The following MAPK7 variants were observed in gnomAD, a reference collection of about 807,000 sequenced individuals.
MAPK7 encodes the protein BMK-1.
Under a neutral mutation model 56.9 loss-of-function variants are expected in MAPK7, and 30 were observed. The observed-to-expected ratio is 0.53, with a 90% CI of 0.39 to 0.72. The LOEUF (loss-of-function observed/expected upper bound fraction) is 0.72. Ranked by LOEUF, MAPK7 falls within the 30% of genes least tolerant of loss-of-function variation. The probability of loss-of-function intolerance (pLI) is 0.00; values close to 1 mark genes in which losing one functional copy is unlikely to be tolerated. For synonymous variants in MAPK7, 516 were observed against 449.3 expected (o/e 1.15, Z -1.88); for missense variants, 952 against 1,110.8 (o/e 0.86, Z 2.03).
At chr17:19,377,952 G>A, upstream of MAPK7, 1 of 985,380 alleles carries the variant, frequency 1.0e-6, no homozygotes, top group Non-Finnish European at 1.2e-6. Context: ...TCGGCCGGAC[G>A]CTCTAGAATC....
At position 19,381,610 on chromosome 17, in the gene MAPK7, A is replaced by G. The variant is rs1423461242; in HGVS notation, c.1401A>G (p.Lys467=). 2 of 1,613,946 alleles carry G rather than the reference A, an allele frequency of 1.2e-6. No homozygotes were observed. The highest frequency in any genetic ancestry group is 1.6e-4 in the Middle Eastern group (1 of 6,062). ...TCAGTGAGCCTGCCCCACCAAAGAAAGATGGTGCCATCTCAGACAATACTA... is the reference window on the plus strand; with the variant it reads ...TCAGTGAGCCTGCCCCACCAAAGAAGGATGGTGCCATCTCAGACAATACTA... ...PPVSEPAPPK[K]DGAISDNTKA... The change falls in exon 4 of 7, where the codon AAA becomes AAG. Residue 467 remains lysine (K), a synonymous_variant. Coordinates refer to ENST00000395604, the MANE Select transcript of MAPK7 (RefSeq NM_002749.4). The surrounding 1 kb of genome is among the most constrained non-coding windows in gnomAD (Gnocchi z 4.6).
rs1014836979 is a variant in MAPK7, at chr17:19,380,704, A to G, written c.495A>G (p.Gln165=). 4 of 1,613,970 alleles carry G rather than the reference A, an allele frequency of 2.5e-6. No individual in the cohort carries two copies. Among genetic ancestry groups the G allele is most frequent in the Admixed American group, 3.3e-5 (2 of 60,000 alleles). ...TLEHVRYFLY[Q]LLRGLKYMHS... ...AACACGTGCGCTACTTCCTGTACCA[A>G]CTGCTGCGGGGCCTGAAGTACATGC... Residue 165 remains glutamine (Q), a synonymous_variant, in exon 4 of 7, where the codon CAA becomes CAG. Coordinates refer to ENST00000395604, the MANE Select transcript of MAPK7 (RefSeq NM_002749.4).
At chr17:19,382,492 G>T (rs746734104) in intron 5 of MAPK7, 26 bp downstream of exon 5, 1 of 1,552,456 alleles carries the variant, frequency 6.4e-7, no homozygotes, top group Middle Eastern at 1.7e-4. Context: ...AGGCCATGGG[G>T]ACACCTGGGT....
Position 19,379,008 on chromosome 17 carries a change from C to T in MAPK7, c.108C>T (p.Asn36=). ...CCGCTGCCTCTGTAGCGGCCAAGAA[C>T]CTGGCCCTGCTTAAAGCCCGCTCCT... ...AHTAASVAAK[N]LALLKARSFD... The change falls in exon 2 of 7, where the codon AAC becomes AAT. Residue 36 remains asparagine, a synonymous_variant. Transcript: ENST00000395604. 6.2e-7 allele frequency: 1 copy of T among 1,613,538 alleles called. No individual in the cohort carries two copies. The highest frequency in any genetic ancestry group is 8.5e-7 in the Non-Finnish European group (1 of 1,179,808).
chr17:19,382,281 T>A lies in MAPK7; in HGVS notation c.1978T>A (p.Ser660Thr). The A allele has an allele frequency of 6.6e-7, 1 of 1,526,522 alleles. No homozygotes were observed. The allele number at this position is 1,526,522 out of a possible 1,614,324, so 94.6% of individuals were successfully genotyped here. A position where few individuals can be genotyped will look rare whatever the true frequency, so the allele number is the denominator to read the frequency against. The change falls in exon 5 of 7, where the codon TCC (serine) becomes ACC (threonine). Residue 660 changes from serine (S) to threonine (T), a missense_variant. Around this residue, in one of 5 missense-constraint regions of MAPK7, gnomAD observed 234 missense variants for 210.4 expected, o/e 1.11. Transcript: ENST00000395604. ...PVPAPPQIATSTSLLAAQSLV... is the reference protein window; with the variant it reads ...PVPAPPQIATTTSLLAAQSLV... ...CCCCGCGCCACCCCAGATTGCCACC[T>A]CCACCAGCCTCCTGGCTGCCCAGTC...
Position 19,381,207 on chromosome 17 carries a change from G to GC in MAPK7, c.999dup (p.Ala334ArgfsTer19), listed in dbSNP as rs763341428. 5.6e-6 allele frequency: 9 copies of GC among 1,614,152 alleles called. No individual in the cohort carries two copies. The highest frequency in any genetic ancestry group is 6.8e-6 in the Non-Finnish European group (8 of 1,180,050). ...GGTCGCATGCTGCGTTTTGAGCCCAGCGCTCGCATCTCAGCAGCTGCTGCC... is the reference window on the plus strand; with the variant it reads ...GGTCGCATGCTGCGTTTTGAGCCCAGCCGCTCGCATCTCAGCAGCTGCTGCC... On this transcript the variant is annotated frameshift_variant, in exon 4 of 7. Transcript: ENST00000395604. LOFTEE classifies it high-confidence loss of function. This position sits in a 1 kb window ranked among gnomAD's most constrained non-coding sequence, Gnocchi z 4.6.
At position 19,383,380 on chromosome 17, in the gene MAPK7, C is replaced by G; in HGVS notation, c.*149C>G. 1 of 805,476 alleles carries G rather than the reference C, an allele frequency of 1.2e-6. No homozygotes were observed. 49.9% of individuals were successfully genotyped at this position (805,476 alleles called of 1,614,324 possible). A position where few individuals can be genotyped will look rare whatever the true frequency, so the allele number is the denominator to read the frequency against. On this transcript the variant is annotated 3_prime_UTR_variant, in exon 7 of 7. Transcript: ENST00000395604. ...CTCAGACCCACCTTTCAGCCTTAAG[C>G]AGCCACCTGAGCCACCACCGAGCCA... is the stretch of plus-strand genomic sequence containing the variant.
Position 19,380,621 on chromosome 17 carries a change from G to T in MAPK7, c.412G>T (p.Asp138Tyr), listed in dbSNP as rs1168762457. ...TTCCCCTTCCAGCTACGTGGTCCTG[G>T]ACCTGATGGAAAGCGACCTGCACCA... ...GEFKSVYVVL[D>Y]LMESDLHQII... Residue 138 changes from aspartate to tyrosine, a missense_variant, in exon 4 of 7, where the codon GAC becomes TAC. Asp to Tyr is a radical substitution (Grantham distance 160). Transcript: ENST00000395604. The T allele has an allele frequency of 1.2e-6, 2 of 1,602,664 alleles. No homozygotes were observed. The highest frequency in any genetic ancestry group is 1.7e-6 in the Non-Finnish European group (2 of 1,171,788).
rs762081000 is a variant in MAPK7, at chr17:19,382,933, G to T, written c.2284G>T (p.Gly762Trp). 4 of 1,614,064 alleles carry T rather than the reference G, an allele frequency of 2.5e-6. No homozygotes were observed. The highest frequency in any genetic ancestry group is 3.4e-6 in the Non-Finnish European group (4 of 1,179,994). Residue 762 changes from glycine (G) to tryptophan (W), a missense_variant, in exon 6 of 7, where the codon GGG (glycine) becomes TGG (tryptophan). Physicochemically the swap from Gly to Trp is radical, Grantham distance 184. Transcript: ENST00000395604. ...NQSFDMGVAD[G>W]PQDGQADSAS... is the part of the protein sequence containing the mutation. ...GTCTTTCGACATGGGCGTGGCTGATGGGCCACAGGATGGGTAAGGTGGCTG... is the reference window on the plus strand; with the variant it reads ...GTCTTTCGACATGGGCGTGGCTGATTGGCCACAGGATGGGTAAGGTGGCTG...
chr17:19,378,733 G>T lies in MAPK7; in HGVS notation c.-6+103G>T, dbSNP rs944907687. 7.4e-7 allele frequency: 1 copy of T among 1,351,390 alleles called. No individual in the cohort carries two copies. Among genetic ancestry groups the T allele is most frequent in the East Asian group, 2.6e-5 (1 of 37,860 alleles). 83.7% of individuals were successfully genotyped at this position (1,351,390 alleles called of 1,614,324 possible). ...CGACCCTGGCGGGCCCCCGGCTCTG[G>T]GCCCGGACCCCTGGGGTAGCTAGTC... On this transcript the variant is annotated intron_variant, in intron 1 of 6. Coordinates refer to ENST00000395604, the MANE Select transcript of MAPK7 (RefSeq NM_002749.4). The surrounding 1 kb of genome is among the most constrained non-coding windows in gnomAD (Gnocchi z 5.4).
rs377634607 is a variant in MAPK7, at chr17:19,382,038, G to A, written c.1735G>A (p.Ala579Thr). The A allele has an allele frequency of 2.6e-5, 41 of 1,568,594 alleles. No individual in the cohort carries two copies. In the African/African-American group the frequency reaches 4.3e-4, roughly 17 times the overall value. Residue 579 changes from alanine to threonine, a missense_variant, in exon 5 of 7, where the codon GCA becomes ACA. Around this residue, in one of 5 missense-constraint regions of MAPK7, gnomAD observed 234 missense variants for 210.4 expected, o/e 1.11. Coordinates refer to ENST00000395604, the MANE Select transcript of MAPK7 (RefSeq NM_002749.4). ...ACGCTGGACTCGAATGGCCCGGCCC[G>A]CAGCCCCAGCCCTCACCTCTGTGCC... ...LERWTRMARP[A>T]APALTSVPAP... is the part of the protein sequence containing the mutation.
rs142437840 is a variant in MAPK7, at chr17:19,380,811, T to C, written c.602T>C (p.Phe201Ser). ...AACTGTGAGCTCAAGATTGGTGACT[T>C]TGGTATGGCTCGTGGCCTGTGCACC... ...NENCELKIGD[F>S]GMARGLCTSP... The change falls in exon 4 of 7, where the codon TTT becomes TCT. Residue 201 changes from phenylalanine to serine, a missense_variant. Phe to Ser is a radical substitution (Grantham distance 155, BLOSUM62 -2). Around this residue, in one of 5 missense-constraint regions of MAPK7, gnomAD observed 429 missense variants for 533.0 expected, o/e 0.80. Transcript: ENST00000395604. 1 of 1,613,312 alleles carries C rather than the reference T, an allele frequency of 6.2e-7. No individual in the cohort carries two copies. Among genetic ancestry groups the C allele is most frequent in the Non-Finnish European group, 8.5e-7 (1 of 1,179,296 alleles).
rs200326974 is a variant in MAPK7 at position 19,381,339 on chromosome 17, T to A, written c.1130T>A (p.Ile377Asn). ...FDREALTRER[I>N]KEAIVAEIED... ...CGCGAAGCCCTCACTCGGGAGCGCA[T>A]TAAGGAGGCCATTGTGGCTGAAATT... Residue 377 changes from isoleucine to asparagine, a missense_variant, in exon 4 of 7, where the codon ATT becomes AAT. By Grantham distance (149) the Ile-to-Asn change is moderately radical (BLOSUM62 -3). Around this residue, in one of 5 missense-constraint regions of MAPK7, gnomAD observed 429 missense variants for 533.0 expected, o/e 0.80. Coordinates refer to ENST00000395604, the MANE Select transcript of MAPK7 (RefSeq NM_002749.4). The surrounding 1 kb of genome is among the most constrained non-coding windows in gnomAD (Gnocchi z 4.6). 2.5e-6 allele frequency: 4 copies of A among 1,614,106 alleles called. No individual in the cohort carries two copies. Among genetic ancestry groups the A allele is most frequent in the Non-Finnish European group, 2.5e-6 (3 of 1,180,038 alleles).
At position 19,383,321 on chromosome 17, in the gene MAPK7, G is replaced by T; in HGVS notation, c.*90G>T. ...AAGGCTTTAGCCCTGGACCCAGCAG[G>T]TGAGGCTCGGCTTGGATTATTCTGC... On this transcript the variant is annotated 3_prime_UTR_variant, in exon 7 of 7. Coordinates refer to ENST00000395604, the MANE Select transcript of MAPK7 (RefSeq NM_002749.4). 7.0e-7 allele frequency: 1 copy of T among 1,426,972 alleles called. No individual in the cohort carries two copies. Among genetic ancestry groups the T allele is most frequent in the Non-Finnish European group, 9.5e-7 (1 of 1,047,156 alleles). 88.4% of individuals were successfully genotyped at this position (1,426,972 alleles called of 1,614,324 possible). A position where few individuals can be genotyped will look rare whatever the true frequency, so the allele number is the denominator to read the frequency against.
rs1373633678 is a variant in MAPK7, at chr17:19,382,223, C to A, written c.1920C>A (p.Pro640=). 1.2e-6 allele frequency: 2 copies of A among 1,611,838 alleles called. No homozygotes were observed. Among genetic ancestry groups the A allele is most frequent in the Non-Finnish European group, 1.7e-6 (2 of 1,179,504 alleles). The change falls in exon 5 of 7, where the codon CCC becomes CCA. Residue 640 remains proline, a synonymous_variant. Coordinates refer to ENST00000395604, the MANE Select transcript of MAPK7 (RefSeq NM_002749.4). ...CCTGCCCACCCCCTGGCCCTGCACC[C>A]CACCCCACTGGCCCTCCTGGGCCCA... ...QPACPPPGPA[P]HPTGPPGPIP...
rs763788377 is a variant in MAPK7, at chr17:19,382,151, G to A, written c.1848G>A (p.Pro616=). The A allele has an allele frequency of 3.1e-6, 5 of 1,611,822 alleles. No homozygotes were observed. Among genetic ancestry groups the A allele is most frequent in the African/African-American group, 1.3e-5 (1 of 74,642 alleles). Residue 616 remains proline (P), a synonymous_variant, in exon 5 of 7, where the codon CCG becomes CCA. Transcript: ENST00000395604. ...PPGPVAQPTG[P]QPQSAGSTSG... Reference sequence around the variant, plus strand: ...GCCCTGTAGCCCAGCCCACTGGCCCGCAACCACAATCTGCGGGCTCTACCT... The same window carrying A: ...GCCCTGTAGCCCAGCCCACTGGCCCACAACCACAATCTGCGGGCTCTACCT...
At chr17:19,380,050 G>A in intron 3 of MAPK7, 103 bp downstream of exon 3, 1 of 1,373,290 alleles carries the variant, frequency 7.3e-7, no homozygotes, top group Non-Finnish European at 1.0e-6. Context: ...ATCTGAAGCA[G>A]GCTGGGAAAA....
At position 19,382,963 on chromosome 17, in the gene MAPK7, G is replaced by C; in HGVS notation, c.2297+17G>C. On this transcript the variant is annotated intron_variant, in intron 6 of 6. Coordinates refer to ENST00000395604, the MANE Select transcript of MAPK7 (RefSeq NM_002749.4). ...ACAGGATGGGTAAGGTGGCTGGACT[G>C]AGCTCCTAGACTGGGACTGTGGGGA... 1 of 1,614,078 alleles carries C rather than the reference G, an allele frequency of 6.2e-7. No homozygotes were observed. Among genetic ancestry groups the C allele is most frequent in the South Asian group, 1.1e-5 (1 of 91,070 alleles).
chr17:19,378,695 C>T lies in MAPK7; in HGVS notation c.-6+65C>T, dbSNP rs1328817376. ...CCCTTTCTTCCTGGCCCGCGCCTCG[C>T]CTACCCCTCCCCCGACCCTGGCGGG... On this transcript the variant is annotated intron_variant, in intron 1 of 6. Transcript: ENST00000395604. The surrounding 1 kb of genome is among the most constrained non-coding windows in gnomAD (Gnocchi z 5.4). 13 of 1,408,438 alleles carry T rather than the reference C, an allele frequency of 9.2e-6. No homozygotes were observed. The highest frequency in any genetic ancestry group is 1.2e-5 in the Non-Finnish European group (13 of 1,082,100). The allele number at this position is 1,408,438 out of a possible 1,614,324, so 87.2% of individuals were successfully genotyped here.
Sources: gnomAD v4.1 joint callset for allele counts on GRCh38, gnomAD v4.1.1 for gene constraint, gnomAD v4.1.1 regional missense constraint, Gnocchi (gnomAD v3.1) non-coding constraint, MANE v1.5 for transcripts, NCBI Gene and HGNC (gene_info 2026-07-23, HGNC 2026-07-21) for gene names.